Variants in TAX1BP1 observed in about 807,000 individuals in gnomAD.
TAX1BP1 encodes tax1-binding protein 1.
Under a neutral mutation model 97.7 loss-of-function variants are expected in TAX1BP1, and 62 were observed. That is an observed-to-expected ratio of 0.63 (90% CI 0.52 to 0.78). The LOEUF (loss-of-function observed/expected upper bound fraction) is 0.78, where lower values mean the gene tolerates loss of function less well. TAX1BP1 is among the 30% of genes least tolerant of loss of function. The pLI is 0.00. For synonymous variants in TAX1BP1, 340 were observed against 304.2 expected, an observed-to-expected ratio of 1.12 and a Z score of -1.23; for missense variants, 867 against 916.1, an observed-to-expected ratio of 0.95 and a Z score of 0.69.
intron 13 of TAX1BP1, among the ~76,000 whole-genome samples, chr7:27,813,623 A>G (rs990005674): frequency 1.3e-5 from 2 of 152,140 alleles, no homozygotes; most frequent in Non-Finnish European, 2.9e-5. Flanking sequence ...GGTATGAGCC[A>G]CGGTGCCTGG....
At chr7:27,792,866 G>A (rs1350506046) in intron 9 of TAX1BP1, among the ~76,000 whole-genome samples, 200 bp from the exon 10 acceptor site, 16 of 152,092 alleles carry the variant, frequency 1.1e-4, no homozygotes. Flanking sequence ...CAAAGGCTGA[G>A]ACAAGAGGAT....
intron 5 of TAX1BP1, among the ~76,000 whole-genome samples, chr7:27,781,029 A>G (rs1789234019): frequency 6.6e-6 from 1 of 152,046 alleles, no homozygotes; most frequent in African/African-American, 2.4e-5. Context: ...TGTATATGAA[A>G]CCTAATGTTA....
At chr7:27,793,045 C>T in intron 9 of TAX1BP1, 21 bp from the exon 10 acceptor site, 2 of 1,568,878 alleles carry the variant, frequency 1.3e-6, no homozygotes, top group Non-Finnish European at 1.7e-6. Flanking sequence ...TTTTTTTCTT[C>T]AAATGTTTGT....
intron 4 of TAX1BP1, among the ~76,000 whole-genome samples, chr7:27,766,615 A>C (rs1282032108): frequency 6.6e-6 from 1 of 152,142 alleles, no homozygotes; most frequent in Admixed American, 6.5e-5. Context: ...TGGATAGTGC[A>C]GTAAGTACCA....
At chr7:27,809,630 T>G (rs898025778) in intron 13 of TAX1BP1, among the ~76,000 whole-genome samples, 10 of 152,194 alleles carry the variant, frequency 6.6e-5, no homozygotes, top group Admixed American at 4.6e-4. Context: ...CCATGAGGAA[T>G]CAAAGCTGCT....
chr7:27,812,293 A>G (rs533091219), intron 13 of TAX1BP1, among the ~76,000 whole-genome samples: 3 of 152,204 alleles, frequency 2.0e-5, no homozygotes, highest in South Asian at 4.1e-4. Flanking sequence ...CCATTTGTAC[A>G]TATTCCTTTG....
At chr7:27,780,958 T>C (rs544831604) in intron 5 of TAX1BP1, among the ~76,000 whole-genome samples, 161 of 152,280 alleles carry the variant, frequency 1.1e-3, no homozygotes, top group African/African-American at 3.7e-3. Context: ...AATTAAAAGG[T>C]AATTTTAAGT....
At chr7:27,821,117 C>A (rs1324068409) in intron 15 of TAX1BP1, among the ~76,000 whole-genome samples, 2 of 152,176 alleles carry the variant, frequency 1.3e-5, no homozygotes, top group African/African-American at 4.8e-5. Context: ...TTAAATGAAT[C>A]TTTGCTGTTC....
At chr7:27,808,787 A>G (rs1179212931) in intron 13 of TAX1BP1, among the ~76,000 whole-genome samples, 1 of 152,186 alleles carries the variant, frequency 6.6e-6, no homozygotes, top group African/African-American at 2.4e-5. Context: ...CTTCTGACAA[A>G]ATCTCTTTCT....
intron 13 of TAX1BP1, among the ~76,000 whole-genome samples, chr7:27,803,669 G>A (rs1306966709): frequency 6.6e-6 from 1 of 151,880 alleles, no homozygotes; most frequent in African/African-American, 2.4e-5. Flanking sequence ...TCACCACCAT[G>A]TGCTCACAGT....
At chr7:27,825,996 C>G (rs1359871210) in intron 15 of TAX1BP1, among the ~76,000 whole-genome samples, 2 of 151,774 alleles carry the variant, frequency 1.3e-5, no homozygotes, top group Non-Finnish European at 2.9e-5. Flanking sequence ...AATTTTGTTC[C>G]TTATCACTGT....
At position 27,827,797 on chromosome 7, in the gene TAX1BP1, G is replaced by T. The variant is rs1390927585; in HGVS notation, c.2145G>T (p.Gly715=). 6.2e-6 allele frequency: 10 copies of T among 1,613,766 alleles called. No individual in the cohort carries two copies. Among genetic ancestry groups the T allele is most frequent in the Non-Finnish European group, 8.5e-6 (10 of 1,179,900 alleles). The change falls in exon 16 of 17, where the codon GGG becomes GGT. Residue 715 remains glycine (G), a synonymous_variant. Coordinates refer to ENST00000396319, the MANE Select transcript of TAX1BP1 (RefSeq NM_006024.7). ...DPPSQHLRGH[G]TGFCFDSSFD... is the part of the protein sequence containing the mutation. ...CAAGTCAACATTTACGTGGGCATGG[G>T]ACAGGCTTTTGCTTTGATTCCAGGT...
At chr7:27,778,344 C>T (rs928058253) in intron 5 of TAX1BP1, among the ~76,000 whole-genome samples, 11 of 151,964 alleles carry the variant, frequency 7.2e-5, no homozygotes, top group Non-Finnish European at 1.6e-4. Context: ...TGGTAACTGT[C>T]GGTGGTCTAG....
At chr7:27,816,213 CTG>C (rs898069467) in intron 13 of TAX1BP1, 134 bp from the exon 14 acceptor site, 5 of 668,574 alleles carry the variant, frequency 7.5e-6, no homozygotes, top group Non-Finnish European at 1.2e-5. Flanking sequence ...GCTTTTCTAA[CTG>C]TGTTTCCAAT....
At chr7:27,793,473 G>A (rs1178646821) in intron 10 of TAX1BP1, among the ~76,000 whole-genome samples, 2 of 152,066 alleles carry the variant, frequency 1.3e-5, no homozygotes, top group Non-Finnish European at 2.9e-5. Context: ...TCCCTCTTAA[G>A]TTCTTGATAA....
At position 27,824,637 on chromosome 7, in the gene TAX1BP1, A is replaced by G. The variant is rs974622967; in HGVS notation, c.2086-3101A>G. On this transcript the variant is annotated intron_variant, in intron 15 of 16. Coordinates refer to ENST00000396319, the MANE Select transcript of TAX1BP1 (RefSeq NM_006024.7). Reference sequence around the variant, plus strand: ...TAAGAAAACAAGAATGTTTTTGTACAGAGTATATCCTGAGCAGATAATGAG... The same window carrying G: ...TAAGAAAACAAGAATGTTTTTGTACGGAGTATATCCTGAGCAGATAATGAG... Among the ~76,000 whole-genome samples the G allele has an allele frequency of 7.1e-4, 108 of 152,118 alleles. 1 individual carries two copies. Among genetic ancestry groups the G allele is most frequent in the African/African-American group, 2.6e-3 (107 of 41,508 alleles).
rs1205112576 is a variant in TAX1BP1 at position 27,794,071 on chromosome 7, T to A, written c.1411-252T>A. ...TTGTAGTAGATTTCTGTGAATGACT[T>A]ATTTTGGTGGTCTTTTGATGAGTTT... On this transcript the variant is annotated intron_variant, in intron 10 of 16. Transcript: ENST00000396319. Among the ~76,000 whole-genome samples, 3 of 151,882 alleles carry A rather than the reference T, an allele frequency of 2.0e-5. No homozygotes were observed. The East Asian group carries it at 5.8e-4, about 29-fold the overall frequency.
intron 2 of TAX1BP1, among the ~76,000 whole-genome samples, chr7:27,749,585 G>A (rs1562696516): frequency 1.3e-5 from 2 of 152,148 alleles, no homozygotes; most frequent in Non-Finnish European, 2.9e-5. Context: ...CCAGCCTGAC[G>A]GGAAGGCAGA....
intron 7 of TAX1BP1, 64 bp downstream of exon 7, chr7:27,785,553 G>C: frequency 7.2e-7 from 1 of 1,383,528 alleles, no homozygotes; most frequent in Non-Finnish European, 1.0e-6. Context: ...AGAACTTAGG[G>C]GCTGTAGGTC....
Sources: allele counts gnomAD v4.1 joint callset (sites outside exome capture counted in the v4.1 genomes callset), GRCh38; gene constraint gnomAD v4.1.1; transcripts MANE v1.5; gene names NCBI Gene and HGNC (gene_info 2026-07-23, HGNC 2026-07-21).